The following DGKB variants were observed in gnomAD, a reference collection of about 807,000 sequenced individuals.
The protein encoded by DGKB is diacylglycerol kinase beta.
A neutral mutation model predicts 114.3 loss-of-function variants in DGKB; 67 were observed. The observed-to-expected ratio is 0.59, with a 90% CI of 0.48 to 0.72. The LOEUF is 0.72. Ranked by LOEUF, DGKB falls within the 30% of genes least tolerant of loss-of-function variation. DGKB has a pLI of 0.00. For synonymous variants in DGKB, 398 were observed against 323.1 expected (o/e 1.23, Z -2.49); for missense variants, 907 against 975.2 (o/e 0.93, Z 0.93).
chr7:14,549,886 G>A (rs1178143686), intron 20 of DGKB, among the ~76,000 whole-genome samples: 1 of 151,980 alleles, frequency 6.6e-6, no homozygotes, highest in Admixed American at 6.6e-5. Flanking sequence ...TGGTTGAGAG[G>A]CTGAGGGAGG....
chr7:14,269,413 G>C (rs772835596), intron 23 of DGKB, among the ~76,000 whole-genome samples: 1 of 152,188 alleles, frequency 6.6e-6, no homozygotes, highest in Admixed American at 6.5e-5. Flanking sequence ...TAGGTTTAAA[G>C]ACTTGCCAAG....
intron 21 of DGKB, among the ~76,000 whole-genome samples, chr7:14,348,081 A>T (rs990050122): frequency 6.6e-6 from 1 of 151,970 alleles, no homozygotes; most frequent in Non-Finnish European, 1.5e-5. Context: ...GCTGACATTG[A>T]TACAGTTAAG....
intron 13 of DGKB, among the ~76,000 whole-genome samples, chr7:14,641,195 T>C (rs147559814): frequency 4.6e-5 from 7 of 152,268 alleles, no homozygotes; most frequent in African/African-American, 1.7e-4. Context: ...AAAAATTAAA[T>C]CTCATTGTTT....
intron 23 of DGKB, among the ~76,000 whole-genome samples, chr7:14,334,297 C>T (rs1190180541): frequency 6.6e-6 from 1 of 151,016 alleles, no homozygotes; most frequent in Non-Finnish European, 1.5e-5. Flanking sequence ...TTTAAATGTC[C>T]ATTGCAGATC....
At chr7:14,947,709 G>A (rs913655729) in intron 1 of DGKB, among the ~76,000 whole-genome samples, 3 of 151,572 alleles carry the variant, frequency 2.0e-5, no homozygotes, top group Non-Finnish European at 4.4e-5. Flanking sequence ...TAGAAGTTGG[G>A]GAAAGAGTTG....
intron 21 of DGKB, among the ~76,000 whole-genome samples, chr7:14,470,659 C>G (rs879871557): frequency 2.0e-5 from 3 of 151,722 alleles, no homozygotes; most frequent in Non-Finnish European, 4.4e-5. Context: ...ATACAAATAT[C>G]TCCTATATTC....
At chr7:14,415,275 A>T (rs1177687912) in intron 21 of DGKB, among the ~76,000 whole-genome samples, 1 of 144,566 alleles carries the variant, frequency 6.9e-6, no homozygotes, top group Non-Finnish European at 1.5e-5. Context: ...TTTAAATTTT[A>T]GTATTATTAT....
chr7:14,699,543 C>T (rs1824730017), intron 7 of DGKB, among the ~76,000 whole-genome samples: 1 of 151,986 alleles, frequency 6.6e-6, no homozygotes, highest in South Asian at 2.1e-4. Context: ...TTGTTGTTTG[C>T]CGTATTGCAA....
intron 23 of DGKB, among the ~76,000 whole-genome samples, chr7:14,256,265 T>C (rs1795953224): frequency 6.6e-6 from 1 of 152,130 alleles, no homozygotes; most frequent in Non-Finnish European, 1.5e-5. Context: ...TTTATTTTTA[T>C]GCTTTCTTCT....
chr7:14,502,080 C>T (rs916838771), intron 20 of DGKB, among the ~76,000 whole-genome samples: 2 of 151,878 alleles, frequency 1.3e-5, no homozygotes, highest in Non-Finnish European at 2.9e-5. Context: ...TGTCATACCC[C>T]AGTGAAAGAG....
At chr7:14,700,801 A>T (rs1347884971) in intron 7 of DGKB, among the ~76,000 whole-genome samples, 1 of 152,176 alleles carries the variant, frequency 6.6e-6, no homozygotes, top group East Asian at 1.9e-4. Flanking sequence ...ATATATCAAA[A>T]CATTTGTTTT....
chr7:14,372,897 GAATCAATGC>G (rs1043805892), intron 21 of DGKB, among the ~76,000 whole-genome samples: 2 of 151,884 alleles, frequency 1.3e-5, no homozygotes, highest in Non-Finnish European at 2.9e-5. Flanking sequence ...CTTGATTATT[GAATCAATGC>G]AATCTGACAA....
At chr7:14,213,548 A>G (rs1320808768) in intron 23 of DGKB, among the ~76,000 whole-genome samples, 1 of 152,170 alleles carries the variant, frequency 6.6e-6, no homozygotes, top group African/African-American at 2.4e-5. Flanking sequence ...AGGGGAAGGT[A>G]TGCTAACTCT....
At chr7:14,430,083 G>A (rs1357267627) in intron 21 of DGKB, among the ~76,000 whole-genome samples, 1 of 152,154 alleles carries the variant, frequency 6.6e-6, no homozygotes, top group Non-Finnish European at 1.5e-5. Flanking sequence ...CAGGAAATAT[G>A]TTTGACTTGT....
chr7:14,393,840 AC>A (rs1323316114), intron 21 of DGKB, among the ~76,000 whole-genome samples: 1 of 152,184 alleles, frequency 6.6e-6, no homozygotes, highest in East Asian at 1.9e-4. Context: ...ACCATAAGCA[AC>A]CTCTCTGAAC....
At chr7:14,322,670 C>T (rs771800883) in intron 23 of DGKB, among the ~76,000 whole-genome samples, 1 of 152,098 alleles carries the variant, frequency 6.6e-6, no homozygotes, top group Admixed American at 6.5e-5. Flanking sequence ...ATAGGCAAGG[C>T]ACACAGTGAA....
chr7:14,829,277 T>TGTCA (rs1846099813), intron 2 of DGKB, among the ~76,000 whole-genome samples: 1 of 152,142 alleles, frequency 6.6e-6, no homozygotes, highest in African/African-American at 2.4e-5. Context: ...GAAGAAAGTG[T>TGTCA]CTGACATCTT....
intron 20 of DGKB, among the ~76,000 whole-genome samples, chr7:14,536,930 A>T (rs1254399362): frequency 6.6e-6 from 1 of 152,222 alleles, no homozygotes; most frequent in Admixed American, 6.5e-5. Flanking sequence ...AACTGTAAAA[A>T]CCTCAAAACT....
chr7:14,321,995 T>C (rs1807911247), intron 23 of DGKB, among the ~76,000 whole-genome samples: 1 of 152,190 alleles, frequency 6.6e-6, no homozygotes, highest in Admixed American at 6.6e-5. Context: ...GTGGTATTTA[T>C]TTATTTATTT....
Sources: allele counts gnomAD v4.1 joint callset (sites outside exome capture counted in the v4.1 genomes callset), GRCh38; gene constraint gnomAD v4.1.1; transcripts MANE v1.5; gene names NCBI Gene and HGNC (gene_info 2026-07-23, HGNC 2026-07-21).